Variants in ELMOD2 observed in about 807,000 individuals in gnomAD.
ELMOD2 encodes the protein ELMO domain-containing protein 2.
In ELMOD2, 28 loss-of-function variants were observed where a neutral mutation model predicts 41.0. That is an observed-to-expected ratio of 0.68 (90% CI 0.51 to 0.94). The LOEUF (loss-of-function observed/expected upper bound fraction) is 0.94. Ranked by LOEUF, ELMOD2 falls within the 40% of genes least tolerant of loss-of-function variation. ELMOD2 has a pLI of 0.00. For synonymous variants in ELMOD2, 106 were observed against 107.2 expected (o/e 0.99, Z 0.07); for missense variants, 333 against 343.1 (o/e 0.97, Z 0.23).
intron 4 of ELMOD2, among the ~76,000 whole-genome samples, chr4:140,536,704 A>T (rs925813334): frequency 1.3e-5 from 2 of 152,184 alleles, no homozygotes; most frequent in Non-Finnish European, 2.9e-5. Flanking sequence ...CAAACAAGCT[A>T]CATTTTTAGA....
chr4:140,544,613 G>A (rs916068562), intron 8 of ELMOD2, among the ~76,000 whole-genome samples: 2 of 151,978 alleles, frequency 1.3e-5, no homozygotes, highest in African/African-American at 4.8e-5. Context: ...TCTGAACCTT[G>A]GTAACCTCTC....
intron 2 of ELMOD2, among the ~76,000 whole-genome samples, chr4:140,527,100 G>A (rs188998238): frequency 2.6e-4 from 40 of 152,266 alleles, no homozygotes; most frequent in African/African-American, 8.2e-4. Flanking sequence ...AAATGAAAAT[G>A]CAGTAGAGAG....
Position 140,535,751 on chromosome 4 carries a change from C to T in ELMOD2, c.190C>T (p.His64Tyr). The change falls in exon 4 of 9, where the codon CAT becomes TAT. Residue 64 changes from histidine to tyrosine, a missense_variant. Coordinates refer to ENST00000323570, the MANE Select transcript of ELMOD2 (RefSeq NM_153702.4). ...TAAATAGGTTTTACAGAAGGCGACA[C>T]ATGTTGTTCAGAGTGAAGTGGACAA... ...SKNKVLQKAT[H>Y]VVQSEVDKYV... 1.2e-6 allele frequency: 2 copies of T among 1,609,928 alleles called. No homozygotes were observed. The highest frequency in any genetic ancestry group is 1.7e-6 in the Non-Finnish European group (2 of 1,178,900).
chr4:140,538,388 A>G (rs1734997284), intron 5 of ELMOD2, among the ~76,000 whole-genome samples: 1 of 152,204 alleles, frequency 6.6e-6, no homozygotes. Context: ...CATTGATACT[A>G]TCTAAATAAC....
chr4:140,538,501 A>G (rs1333476178), intron 5 of ELMOD2, among the ~76,000 whole-genome samples: 1 of 152,160 alleles, frequency 6.6e-6, no homozygotes, highest in Middle Eastern at 3.2e-3. Context: ...GGGTTATTGT[A>G]TGGAGGAGTT....
At position 140,550,238 on chromosome 4, in the gene ELMOD2, G is replaced by A. The variant is rs752203202; in HGVS notation, c.745G>A (p.Val249Ile). Residue 249 changes from valine to isoleucine, a missense_variant, in exon 9 of 9, where the codon GTC becomes ATC. Coordinates refer to ENST00000323570, the MANE Select transcript of ELMOD2 (RefSeq NM_153702.4). ...TTTTTCTTTAACTGCAGGTTATCTTGTCTATGAATTTGACAAGTTTTGGTT... is the reference window on the plus strand; with the variant it reads ...TTTTTCTTTAACTGCAGGTTATCTTATCTATGAATTTGACAAGTTTTGGTT... ...EHFHQFYCYL[V>I]YEFDKFWFEE... 3.7e-6 allele frequency: 6 copies of A among 1,608,560 alleles called. No individual in the cohort carries two copies. The East Asian group carries it at 1.3e-4, about 36-fold the overall frequency.
At chr4:140,529,060 C>G (rs931632206) in intron 3 of ELMOD2, among the ~76,000 whole-genome samples, 1 of 152,094 alleles carries the variant, frequency 6.6e-6, no homozygotes, top group Non-Finnish European at 1.5e-5. Context: ...AGTCCTTAAA[C>G]TTAAGGAAGA....
At chr4:140,534,537 T>C (rs1362294488) in intron 3 of ELMOD2, among the ~76,000 whole-genome samples, 1 of 152,182 alleles carries the variant, frequency 6.6e-6, no homozygotes, top group African/African-American at 2.4e-5. Flanking sequence ...ATTTAAATTA[T>C]AAATCAATTT....
chr4:140,540,892 C>G (rs1560830736), intron 6 of ELMOD2, among the ~76,000 whole-genome samples: 1 of 152,016 alleles, frequency 6.6e-6, no homozygotes, highest in African/African-American at 2.4e-5. Context: ...TATTCACTTG[C>G]TTTTTCTCTC....
At position 140,537,546 on chromosome 4, in the gene ELMOD2, A is replaced by C. The variant is rs765470660; in HGVS notation, c.399+5A>C. 4.3e-5 allele frequency: 69 copies of C among 1,597,616 alleles called. 1 individual carries two copies. The South Asian group carries it at 7.5e-4, about 17-fold the overall frequency. ...CATGAAGAGCTACTCATGAAGGTAA[A>C]TTTCTGTTTTCTTTATGTGGAGTTG... On this transcript the variant is annotated splice_donor_5th_base_variant and intron_variant, in intron 5 of 8. Coordinates refer to ENST00000323570, the MANE Select transcript of ELMOD2 (RefSeq NM_153702.4).
chr4:140,548,107 T>G (rs1422004992), intron 8 of ELMOD2, among the ~76,000 whole-genome samples: 1 of 152,210 alleles, frequency 6.6e-6, no homozygotes, highest in Non-Finnish European at 1.5e-5. Flanking sequence ...TCCTAGTGCT[T>G]TAACTTGAGC....
intron 8 of ELMOD2, 32 bp from the exon 9 acceptor site, chr4:140,550,198 G>A: frequency 6.4e-7 from 1 of 1,573,930 alleles, no homozygotes. Context: ...TCAACATTGA[G>A]GATTAAATGT....
At chr4:140,530,703 G>T (rs766353005) in intron 3 of ELMOD2, among the ~76,000 whole-genome samples, 3 of 152,048 alleles carry the variant, frequency 2.0e-5, no homozygotes, top group Non-Finnish European at 2.9e-5. Flanking sequence ...ATTCTTTTAA[G>T]GTTTTAAATC....
At chr4:140,539,112 C>T (rs186560061) in intron 5 of ELMOD2, among the ~76,000 whole-genome samples, 48 of 152,246 alleles carry the variant, frequency 3.2e-4, no homozygotes, top group African/African-American at 1.1e-3. Context: ...AGCAAGGTCA[C>T]TTCACATTTT....
chr4:140,534,950 C>A (rs979979534), intron 3 of ELMOD2, among the ~76,000 whole-genome samples: 4 of 152,118 alleles, frequency 2.6e-5, no homozygotes, highest in Admixed American at 6.5e-5. Flanking sequence ...CATGACTACC[C>A]ATGGCGAAGG....
intron 3 of ELMOD2, among the ~76,000 whole-genome samples, chr4:140,529,107 A>G (rs181244002): frequency 6.6e-5 from 10 of 152,240 alleles, no homozygotes; most frequent in African/African-American, 2.4e-4. Flanking sequence ...AACACAGATT[A>G]TTGGGCCCCA....
At chr4:140,547,646 G>A (rs1192012021) in intron 8 of ELMOD2, among the ~76,000 whole-genome samples, 1 of 152,030 alleles carries the variant, frequency 6.6e-6, no homozygotes, top group African/African-American at 2.4e-5. Flanking sequence ...ACACTTAAAT[G>A]GATTTTAATG....
At position 140,540,190 on chromosome 4, in the gene ELMOD2, C is replaced by T. The variant is rs373389261; in HGVS notation, c.422C>T (p.Thr141Met). ...CAGCTTTGGAATCTTCTAATGCCCA[C>T]GAAGAAGTTAAACGCTAGAATCTCC... is the stretch of plus-strand genomic sequence containing the variant. ...LMKLWNLLMPTKKLNARISKQ... is the reference protein window; with the variant it reads ...LMKLWNLLMPMKKLNARISKQ... Residue 141 changes from threonine (T) to methionine (M), a missense_variant, in exon 6 of 9, where the codon ACG becomes ATG. Transcript: ENST00000323570. 37 of 1,613,878 alleles carry T rather than the reference C, an allele frequency of 2.3e-5. No individual in the cohort carries two copies. Among genetic ancestry groups the T allele is most frequent in the East Asian group, 4.5e-5 (2 of 44,878 alleles).
intron 6 of ELMOD2, 118 bp from the exon 7 acceptor site, chr4:140,542,456 C>A: frequency 3.0e-6 from 2 of 672,836 alleles, no homozygotes; most frequent in East Asian, 2.8e-5. Context: ...AGACAGATAT[C>A]AGGATACTCA....
Sources: allele counts gnomAD v4.1 joint callset (sites outside exome capture counted in the v4.1 genomes callset), GRCh38; gene constraint gnomAD v4.1.1; transcripts MANE v1.5; gene names NCBI Gene and HGNC (gene_info 2026-07-23, HGNC 2026-07-21).